SSTR5: variants seen among roughly 807,000 people sequenced by gnomAD.
The protein encoded by SSTR5 is somatostatin receptor type 5.
SSTR5 carries 1 observed loss-of-function variant against 0.3 expected under a neutral mutation model. That is an observed-to-expected ratio of 2.98 (90% CI 1.06 to 14.15). The LOEUF (loss-of-function observed/expected upper bound fraction) is 14.15. SSTR5 is among the 30% of genes most tolerant of loss of function. The probability of loss-of-function intolerance (pLI) is 0.12; values close to 1 mark genes in which losing one functional copy is unlikely to be tolerated. For missense variants in SSTR5, 516 were observed against 543.2 expected, an observed-to-expected ratio of 0.95 and a Z score of 0.50; for synonymous variants, 256 against 263.1, an observed-to-expected ratio of 0.97 and a Z score of 0.26.
At chr16:1,074,873 A>C (rs2151554264) in intron 1 of SSTR5, among the ~76,000 whole-genome samples, 1 of 152,298 alleles carries the variant, frequency 6.6e-6, no homozygotes, top group African/African-American at 2.4e-5. Context: ...GCAACCCTAC[A>C]GTTTGCAGGA....
rs757288893 is a variant in SSTR5 at position 1,079,965 on chromosome 16, A to G, written c.*2A>G. On this transcript the variant is annotated 3_prime_UTR_variant, in exon 2 of 2. Transcript: ENST00000689027. Reference sequence around the variant, plus strand: ...CTTATGCAGACCAGCAAGCTGTGAGAGTGCAGGCGGGGGGTGGGCGGCCCC... The same window carrying G: ...CTTATGCAGACCAGCAAGCTGTGAGGGTGCAGGCGGGGGGTGGGCGGCCCC... 1 of 1,595,926 alleles carries G rather than the reference A, an allele frequency of 6.3e-7. No individual in the cohort carries two copies. Among genetic ancestry groups the G allele is most frequent in the Non-Finnish European group, 8.5e-7 (1 of 1,172,004 alleles).
chr16:1,076,363 C>T (rs928004226), intron 1 of SSTR5, among the ~76,000 whole-genome samples: 18 of 129,474 alleles, frequency 1.4e-4, no homozygotes, highest in African/African-American at 3.0e-5. Flanking sequence ...CCGGGGTCTG[C>T]GTGGAGGCCA....
intron 1 of SSTR5, among the ~76,000 whole-genome samples, chr16:1,073,976 G>C (rs1469454008): frequency 6.6e-6 from 1 of 152,242 alleles, no homozygotes; most frequent in Non-Finnish European, 1.5e-5. Context: ...TGCTGCTCCA[G>C]GCTGGCCCAC....
chr16:1,078,921 G>A lies in SSTR5; in HGVS notation c.53G>A (p.Gly18Glu). 6.2e-7 allele frequency: 1 copy of A among 1,603,960 alleles called. No individual in the cohort carries two copies. The highest frequency in any genetic ancestry group is 8.5e-7 in the Non-Finnish European group (1 of 1,177,524). Residue 18 changes from glycine to glutamate, a missense_variant, in exon 2 of 2, where the codon GGG becomes GAG. Coordinates refer to ENST00000689027, the MANE Select transcript of SSTR5 (RefSeq NM_001172560.3). The part of the protein sequence containing the change: ...STPSWNASSP[G>E]AASGGGDNRT... Reference sequence around the variant, plus strand: ...CCCAGCTGGAACGCCTCCTCCCCGGGGGCTGCCTCTGGAGGCGGTGACAAC... The same window carrying A: ...CCCAGCTGGAACGCCTCCTCCCCGGAGGCTGCCTCTGGAGGCGGTGACAAC...
chr16:1,078,503 T>C lies in SSTR5; in HGVS notation c.-27-339T>C, dbSNP rs1960261880. The stretch of plus-strand genomic sequence containing the variant: ...CACTGCAGGGCAGGCTCTGAGGGGC[T>C]TCAGGGAGACGCAGGTGCTGGCCTC... On this transcript the variant is annotated intron_variant, in intron 1 of 1. Coordinates refer to ENST00000689027, the MANE Select transcript of SSTR5 (RefSeq NM_001172560.3). The C allele has an allele frequency of 1.2e-5, 4 of 344,798 alleles. No homozygotes were observed. The Admixed American group carries it at 1.7e-4, about 15-fold the overall frequency. 21.4% of individuals were successfully genotyped at this position (344,798 alleles called of 1,614,324 possible).
At chr16:1,072,933 C>T (rs1960117543) in intron 1 of SSTR5, among the ~76,000 whole-genome samples, 111 bp downstream of exon 1, 1 of 151,974 alleles carries the variant, frequency 6.6e-6, no homozygotes, top group South Asian at 2.1e-4. Context: ...GGGGTCCCGC[C>T]GTGCGCCCCC....
Position 1,079,914 on chromosome 16 carries a change from C to G in SSTR5, c.1046C>G (p.Pro349Arg), listed in dbSNP as rs572539301. ...RIRQQQEATP[P>R]AHRAAANGLM... ...CGGCAGCAGCAGGAGGCCACGCCAC[C>G]CGCGCACCGCGCCGCAGCCAACGGG... Residue 349 changes from proline to arginine, a missense_variant, in exon 2 of 2, where the codon CCC (proline) becomes CGC (arginine). By Grantham distance (103) the Pro-to-Arg change is moderately radical. Transcript: ENST00000689027. 1 of 1,606,052 alleles carries G rather than the reference C, an allele frequency of 6.2e-7. No homozygotes were observed. Among genetic ancestry groups the G allele is most frequent in the East Asian group, 2.2e-5 (1 of 44,716 alleles).
chr16:1,077,975 C>G (rs1043953796), intron 1 of SSTR5: 4 of 152,254 alleles, frequency 2.6e-5, no homozygotes, highest in Non-Finnish European at 4.4e-5. Context: ...GCTGCAGCCC[C>G]CATACGCTAT....
Position 1,079,998 on chromosome 16 carries a change from C to T in SSTR5, c.*35C>T. ...CGGGGGGTGGGCGGCCCCGTGTCAC[C>T]CCCAGGAGCGGAGGTTGCACTGCGG... is the stretch of plus-strand genomic sequence containing the variant. On this transcript the variant is annotated 3_prime_UTR_variant, in exon 2 of 2. Coordinates refer to ENST00000689027, the MANE Select transcript of SSTR5 (RefSeq NM_001172560.3). 3.9e-6 allele frequency: 6 copies of T among 1,557,352 alleles called. No individual in the cohort carries two copies. The highest frequency in any genetic ancestry group is 5.2e-6 in the Non-Finnish European group (6 of 1,153,648).
intron 1 of SSTR5, chr16:1,078,314 C>G (rs1010447169): frequency 6.3e-6 from 1 of 159,532 alleles, no homozygotes; most frequent in Non-Finnish European, 1.4e-5. Context: ...GGCGACACCA[C>G]GTCCAGCCAC....
Position 1,081,454 on chromosome 16 carries a change from T to C in SSTR5, c.*1491T>C, listed in dbSNP as rs1324129479. Among the ~76,000 whole-genome samples the C allele has an allele frequency of 6.6e-6, 1 of 151,910 alleles. No individual in the cohort carries two copies. Among genetic ancestry groups the C allele is most frequent in the African/African-American group, 2.4e-5 (1 of 41,248 alleles). On this transcript the variant is annotated 3_prime_UTR_variant, in exon 2 of 2. Transcript: ENST00000689027. ...CTGAATAAATGCGAGGATAAATGTTTGATTCTTTCCCCGAGCAAATATTGT... is the reference window on the plus strand; with the variant it reads ...CTGAATAAATGCGAGGATAAATGTTCGATTCTTTCCCCGAGCAAATATTGT...
intron 1 of SSTR5, among the ~76,000 whole-genome samples, chr16:1,076,576 C>T (rs2151555810): frequency 6.6e-6 from 1 of 151,790 alleles, no homozygotes; most frequent in East Asian, 2.0e-4. Flanking sequence ...GGGAGCCCAG[C>T]CATGCTCTCC....
At chr16:1,073,974 C>T (rs973047048) in intron 1 of SSTR5, among the ~76,000 whole-genome samples, 8 of 152,306 alleles carry the variant, frequency 5.3e-5, no homozygotes, top group Admixed American at 2.0e-4. Context: ...GCTGCTGCTC[C>T]AGGCTGGCCC....
intron 1 of SSTR5, 75 bp from the exon 2 acceptor site, chr16:1,078,764 GGGC>G: frequency 7.1e-7 from 1 of 1,409,750 alleles, no homozygotes; most frequent in Non-Finnish European, 9.6e-7. Flanking sequence ...GGCGGGGCTG[GGGC>G]CCAGGAGGAA....
chr16:1,074,401 A>T (rs475062), intron 1 of SSTR5, among the ~76,000 whole-genome samples: 14 of 152,306 alleles, frequency 9.2e-5, no homozygotes, highest in Admixed American at 8.5e-4. Flanking sequence ...GCTGCCCCCC[A>T]TGAAGGAGCC....
intron 1 of SSTR5, among the ~76,000 whole-genome samples, chr16:1,074,728 G>A (rs2151554186): frequency 6.6e-6 from 1 of 152,352 alleles, no homozygotes; most frequent in African/African-American, 2.4e-5. Context: ...TGGCTTCTGG[G>A]CTGACCCTGG....
Position 1,077,793 on chromosome 16 carries a change from G to A in SSTR5, c.-27-1049G>A, listed in dbSNP as rs190236351. The stretch of plus-strand genomic sequence containing the variant: ...CAAAAACAATATACGAGGTACACAC[G>A]TGCCCATGGCCTTGGACCCACAGAC... On this transcript the variant is annotated intron_variant, in intron 1 of 1. Coordinates refer to ENST00000689027, the MANE Select transcript of SSTR5 (RefSeq NM_001172560.3). The A allele has an allele frequency of 1.2e-3, 190 of 152,302 alleles. 1 individual carries two copies. Among genetic ancestry groups the A allele is most frequent in the Non-Finnish European group, 2.2e-3 (148 of 68,054 alleles). 9.4% of individuals were successfully genotyped at this position (152,302 alleles called of 1,614,324 possible).
At chr16:1,073,897 C>CTGTCA (rs1343404039) in intron 1 of SSTR5, among the ~76,000 whole-genome samples, 1 of 152,262 alleles carries the variant, frequency 6.6e-6, no homozygotes, top group Non-Finnish European at 1.5e-5. Context: ...CCCAGCGAGG[C>CTGTCA]TGTCAGGAGG....
intron 1 of SSTR5, among the ~76,000 whole-genome samples, chr16:1,074,523 C>T (rs1841285715): frequency 6.6e-6 from 1 of 152,210 alleles, no homozygotes; most frequent in African/African-American, 2.4e-5. Context: ...GGTCCCAGGC[C>T]CCTGTGAAGA....
Sources: gnomAD v4.1 joint callset for allele counts (sites outside exome capture counted in the v4.1 genomes callset) on GRCh38, gnomAD v4.1.1 for gene constraint, MANE v1.5 for transcripts, NCBI Gene and HGNC (gene_info 2026-07-23, HGNC 2026-07-21) for gene names.